The following OTOG variants were observed in gnomAD, a reference collection of about 807,000 sequenced individuals.
The protein encoded by OTOG is otogelin.
Under a neutral mutation model 313.8 loss-of-function variants are expected in OTOG, and 296 were observed. The ratio of observed to expected loss-of-function variants is 0.94; its 90% CI spans 0.86 to 1.04. OTOG has a LOEUF of 1.04. OTOG is among the 50% of genes least tolerant of loss of function. OTOG has a pLI of 0.00. For missense variants in OTOG, 3,948 were observed against 3,840.1 expected (o/e 1.03, Z -0.74); for synonymous variants, 1,533 against 1,554.9 (o/e 0.99, Z 0.33).
chr11:17,563,854 GTTTT>G (rs61373849), intron 15 of OTOG, among the ~76,000 whole-genome samples: 3 of 106,616 alleles, frequency 2.8e-5, no homozygotes, highest in African/African-American at 4.0e-5. Context: ...CTAGTTTTTG[GTTTT>G]TTTTTTTTTT....
rs774109797 is a variant in OTOG at position 17,641,097 on chromosome 11, G to T, written c.8190+6G>T. The stretch of plus-strand genomic sequence containing the variant: ...GTGACATCCACTGTGAGGCGGTAGG[G>T]TGCAGCCCAGGGCGGGGTGGGTGGG... On this transcript the variant is annotated splice_donor_region_variant and intron_variant, in intron 51 of 55. Coordinates refer to ENST00000399397, the MANE Select transcript of OTOG (RefSeq NM_001292063.2). 4 of 1,470,568 alleles carry T rather than the reference G, an allele frequency of 2.7e-6. No homozygotes were observed. Among genetic ancestry groups the T allele is most frequent in the South Asian group, 2.4e-5 (2 of 82,466 alleles). The allele number at this position is 1,470,568 out of a possible 1,614,324, so 91.1% of individuals were successfully genotyped here. A position where few individuals can be genotyped will look rare whatever the true frequency, so the allele number is the denominator to read the frequency against.
chr11:17,618,623 A>T (rs190850290), intron 39 of OTOG, among the ~76,000 whole-genome samples: 8 of 152,336 alleles, frequency 5.3e-5, no homozygotes, highest in African/African-American at 1.7e-4. Flanking sequence ...CTATCTGTTT[A>T]TTCTCAGTTA....
At chr11:17,641,575 C>G (rs2133721124) in intron 51 of OTOG, among the ~76,000 whole-genome samples, 1 of 152,234 alleles carries the variant, frequency 6.6e-6, no homozygotes, top group Non-Finnish European at 1.5e-5. Context: ...GGAACTAAGA[C>G]TCAAATGGAG....
chr11:17,609,576 C>T, intron 35 of OTOG, 79 bp from the exon 36 acceptor site: 1 of 1,299,738 alleles, frequency 7.7e-7, no homozygotes, highest in African/African-American at 1.5e-5. Flanking sequence ...CCTCAAGCCT[C>T]ACACCACAGC....
At chr11:17,612,412 C>A in intron 37 of OTOG, 82 bp downstream of exon 37, 1 of 1,451,592 alleles carries the variant, frequency 6.9e-7, no homozygotes, top group South Asian at 1.4e-5. Flanking sequence ...ATCTGTGTGT[C>A]CCAGACTCCC....
At position 17,610,207 on chromosome 11, in the gene OTOG, A is replaced by T. The variant is rs1345979195; in HGVS notation, c.4907A>T (p.Gln1636Leu). Reference sequence around the variant, plus strand: ...TTGCCTGTTAGGACGACACCCCCACAGCCCTCCTTGACAGCAAGTCCCTCC... The same window carrying T: ...TTGCCTGTTAGGACGACACCCCCACTGCCCTCCTTGACAGCAAGTCCCTCC... ...GSLPVRTTPP[Q>L]PSLTASPSSR... Residue 1636 changes from glutamine (Q) to leucine (L), a missense_variant, in exon 36 of 56, where the codon CAG becomes CTG. By Grantham distance (113) the Gln-to-Leu change is moderately radical. Coordinates refer to ENST00000399397, the MANE Select transcript of OTOG (RefSeq NM_001292063.2). The T allele has an allele frequency of 1.9e-6, 3 of 1,550,456 alleles. No homozygotes were observed. In the Admixed American group the frequency reaches 5.9e-5, roughly 30 times the overall value.
rs778693137 is a variant in OTOG at position 17,608,338 on chromosome 11, G to A, written c.4199G>A (p.Arg1400His). ...GCTGCCTACCCCATCTGCGAGTGGCGCTACGATGCCTGTGCCAGCCCCTGC... is the reference window on the plus strand; with the variant it reads ...GCTGCCTACCCCATCTGCGAGTGGCACTACGATGCCTGTGCCAGCCCCTGC... ...SGAAYPICEW[R>H]YDACASPCFQ... Residue 1400 changes from arginine to histidine, a missense_variant, in exon 34 of 56, where the codon CGC becomes CAC. Transcript: ENST00000399397. 1.6e-5 allele frequency: 25 copies of A among 1,547,024 alleles called. No individual in the cohort carries two copies. The highest frequency in any genetic ancestry group is 2.7e-5 in the African/African-American group (2 of 73,046).
chr11:17,580,098 C>T (rs7107242), intron 23 of OTOG, among the ~76,000 whole-genome samples: 8,499 of 152,298 alleles, frequency 0.056, 669 homozygotes, highest in African/African-American at 0.17. Flanking sequence ...CACCTCTGTG[C>T]ATGAGAGTTC....
At position 17,634,879 on chromosome 11, in the gene OTOG, A is replaced by C. The variant is rs1420380553; in HGVS notation, c.7516A>C (p.Thr2506Pro). 6.5e-7 allele frequency: 1 copy of C among 1,547,566 alleles called. No homozygotes were observed. Among genetic ancestry groups the C allele is most frequent in the Non-Finnish European group, 8.7e-7 (1 of 1,146,050 alleles). ...NQTLCEGLAP[T>P]CRPGHRLLTH... ...GACTCTGTGTGAGGGTCTCGCCCCC[A>C]CATGCCGCCCAGGCCACCGCCTCCT... The change falls in exon 45 of 56, where the codon ACA becomes CCA. Residue 2506 changes from threonine (T) to proline (P), a missense_variant. Transcript: ENST00000399397.
rs1853438793 is a variant in OTOG at position 17,608,303 on chromosome 11, G to A, written c.4164G>A (p.Lys1388=). 9 of 1,530,168 alleles carry A rather than the reference G, an allele frequency of 5.9e-6. No homozygotes were observed. The highest frequency in any genetic ancestry group is 6.2e-6 in the Non-Finnish European group (7 of 1,137,508). The allele number at this position is 1,530,168 out of a possible 1,614,324, so 94.8% of individuals were successfully genotyped here. A position where few individuals can be genotyped will look rare whatever the true frequency, so the allele number is the denominator to read the frequency against. The change falls in exon 34 of 56, where the codon AAG becomes AAA. Residue 1388 remains lysine, a synonymous_variant. Coordinates refer to ENST00000399397, the MANE Select transcript of OTOG (RefSeq NM_001292063.2). ...CCCCATCTCACTTTCTAGATGCCAA[G>A]CCCTCGGGGGCTGCCTACCCCATCT... The part of the protein sequence containing the change: ...RGTLFRLLDA[K]PSGAAYPICE...
At chr11:17,613,183 TTTC>T (rs1378175677) in intron 38 of OTOG, among the ~76,000 whole-genome samples, 1 of 97,758 alleles carries the variant, frequency 1.0e-5, no homozygotes, top group Non-Finnish European at 2.0e-5. Flanking sequence ...TCTTTCTTTC[TTTC>T]TTTCTTTCTT....
intron 9 of OTOG, 48 bp from the exon 10 acceptor site, chr11:17,558,490 G>T: frequency 6.5e-7 from 1 of 1,545,278 alleles, no homozygotes; most frequent in Non-Finnish European, 8.8e-7. Context: ...GTGGGGCTGT[G>T]TGTGGCTTTG....
intron 19 of OTOG, among the ~76,000 whole-genome samples, chr11:17,573,945 C>A (rs1021193671): frequency 6.6e-6 from 1 of 152,216 alleles, no homozygotes; most frequent in Non-Finnish European, 1.5e-5. Context: ...TGGACAGGCC[C>A]ACTGGTTCTT....
chr11:17,559,422 C>A, intron 11 of OTOG, 112 bp from the exon 12 acceptor site: 1 of 1,396,974 alleles, frequency 7.2e-7, no homozygotes, highest in African/African-American at 1.4e-5. Context: ...ACTAGGAAAT[C>A]ATGAAAATCA....
intron 7 of OTOG, 55 bp from the exon 8 acceptor site, chr11:17,557,063 A>T: frequency 6.6e-7 from 1 of 1,507,714 alleles, no homozygotes; most frequent in Non-Finnish European, 8.9e-7. Context: ...CGGTGAAGAG[A>T]CTGGGCTAGT....
chr11:17,562,049 AT>A lies in OTOG; in HGVS notation c.1644+243del, dbSNP rs1565093559. On this transcript the variant is annotated intron_variant, in intron 15 of 55. Coordinates refer to ENST00000399397, the MANE Select transcript of OTOG (RefSeq NM_001292063.2). ...GGATTTTACTACCTAAAAAAAAAAT[AT>A]ATATATATATATATATATATATGTA... Among the ~76,000 whole-genome samples, 831 of 117,268 alleles carry A rather than the reference AT, an allele frequency of 7.1e-3. 7 individuals are homozygous for A. Among genetic ancestry groups the A allele is most frequent in the Middle Eastern group, 0.024 (5 of 210 alleles). 76.9% of individuals were successfully genotyped at this position (117,268 alleles called of 152,430 possible). A position where few individuals can be genotyped will look rare whatever the true frequency, so the allele number is the denominator to read the frequency against.
At position 17,558,297 on chromosome 11, in the gene OTOG, GA is replaced by G; in HGVS notation, c.980del (p.Asn327ThrfsTer47). ...SLPRPPCLQQ[N>X]PGTMQGVYEQ... The stretch of plus-strand genomic sequence containing the variant: ...TGCCTCGCCCACCGTGCCTACAGCA[GA>G]ACCCAGGAACCATGCAGGTCTGGAG... On this transcript the variant is annotated frameshift_variant, in exon 9 of 56. Transcript: ENST00000399397. LOFTEE classifies it high-confidence loss of function. 2 of 1,550,874 alleles carry G rather than the reference GA, an allele frequency of 1.3e-6. No individual in the cohort carries two copies. The highest frequency in any genetic ancestry group is 1.7e-6 in the Non-Finnish European group (2 of 1,147,054).
chr11:17,608,391 G>C lies in OTOG; in HGVS notation c.4252G>C (p.Ala1418Pro), dbSNP rs747803069. ...CFQTCRDPRA[A>P]SCRDVPRVEG... is the part of the protein sequence containing the mutation. ...CCAAACCTGCCGGGACCCACGGGCA[G>C]CCAGCTGCCGGGACGTACCCAGGTG... The change falls in exon 34 of 56, where the codon GCC (alanine) becomes CCC (proline). Residue 1418 changes from alanine (A) to proline (P), a missense_variant. By Grantham distance (27) the Ala-to-Pro change is conservative (BLOSUM62 -1). Coordinates refer to ENST00000399397, the MANE Select transcript of OTOG (RefSeq NM_001292063.2). 6.5e-7 allele frequency: 1 copy of C among 1,544,708 alleles called. No homozygotes were observed. Among genetic ancestry groups the C allele is most frequent in the South Asian group, 1.2e-5 (1 of 82,750 alleles).
chr11:17,634,209 AG>A lies in OTOG; in HGVS notation c.7409del (p.Ser2470ThrfsTer80). The A allele has an allele frequency of 6.4e-7, 1 of 1,550,412 alleles. No individual in the cohort carries two copies. Among genetic ancestry groups the A allele is most frequent in the South Asian group, 1.2e-5 (1 of 84,048 alleles). On this transcript the variant is annotated frameshift_variant, in exon 44 of 56. Coordinates refer to ENST00000399397, the MANE Select transcript of OTOG (RefSeq NM_001292063.2). LOFTEE classifies it high-confidence loss of function. ...DLGCPSPRPESCLRFGEVALL... is the reference protein window; with the variant it reads ...DLGCPSPRPEXCLRFGEVALL... Reference sequence around the variant, plus strand: ...GGGCTGCCCCAGTCCCCGCCCTGAGAGCTGCCTGCGATTCGGGGAGGTGGCC... The same window carrying A: ...GGGCTGCCCCAGTCCCCGCCCTGAGACTGCCTGCGATTCGGGGAGGTGGCC...
Sources: gnomAD v4.1 joint callset for allele counts (sites outside exome capture counted in the v4.1 genomes callset) on GRCh38, gnomAD v4.1.1 for gene constraint, MANE v1.5 for transcripts, NCBI Gene and HGNC (gene_info 2026-07-23, HGNC 2026-07-21) for gene names.